Variants in MLIP observed in about 807,000 individuals in gnomAD.
The protein encoded by MLIP is muscular LMNA-interacting protein.
In MLIP, 79 loss-of-function variants were observed where a neutral mutation model predicts 84.8. The ratio of observed to expected loss-of-function variants is 0.93; its 90% CI spans 0.78 to 1.12. The LOEUF is 1.12. MLIP is among the 50% of genes most tolerant of loss of function. MLIP has a pLI of 0.00. For synonymous variants in MLIP, 504 were observed against 463.0 expected (o/e 1.09, Z -1.14); for missense variants, 1,257 against 1,160.6 (o/e 1.08, Z -1.21).
At chr6:54,223,534 T>A (rs1287195542) in intron 11 of MLIP, among the ~76,000 whole-genome samples, 2 of 152,088 alleles carry the variant, frequency 1.3e-5, no homozygotes, top group African/African-American at 2.4e-5. Context: ...CAAAGATTAG[T>A]TGTCCAACCA....
intron 12 of MLIP, among the ~76,000 whole-genome samples, chr6:54,254,374 C>T (rs534428449): frequency 7.2e-4 from 109 of 152,108 alleles, no homozygotes; most frequent in Non-Finnish European, 1.3e-3. Flanking sequence ...ATCCACCCGC[C>T]TAGGCCTCCC....
intron 1 of MLIP, chr6:54,019,197 GT>G: frequency 2.7e-6 from 3 of 1,118,654 alleles, no homozygotes; most frequent in Non-Finnish European, 3.9e-6. Context: ...CTGTTTCCAT[GT>G]TTTGCTGGTC....
At chr6:54,022,038 A>T (rs1317895177) in intron 1 of MLIP, among the ~76,000 whole-genome samples, 1 of 152,192 alleles carries the variant, frequency 6.6e-6, no homozygotes, top group Non-Finnish European at 1.5e-5. Flanking sequence ...AATATGTTTC[A>T]ATTTGGTTAG....
At chr6:54,087,240 C>G (rs948128973) in intron 1 of MLIP, among the ~76,000 whole-genome samples, 1 of 152,138 alleles carries the variant, frequency 6.6e-6, no homozygotes, top group Non-Finnish European at 1.5e-5. Context: ...AGCTGTGCCT[C>G]TTCTGTGACT....
chr6:54,093,519 A>G (rs1768003707), intron 1 of MLIP, among the ~76,000 whole-genome samples: 1 of 152,174 alleles, frequency 6.6e-6, no homozygotes, highest in East Asian at 1.9e-4. Context: ...AGAGTCTGGC[A>G]ACACAAGTGT....
chr6:54,141,537 C>T (rs1168030755), intron 4 of MLIP, among the ~76,000 whole-genome samples: 1 of 152,048 alleles, frequency 6.6e-6, no homozygotes, highest in Non-Finnish European at 1.5e-5. Context: ...GAACTTTTGA[C>T]CACAAGTGAT....
chr6:54,203,592 C>CT (rs749549556), intron 11 of MLIP: 2,042 of 146,616 alleles, frequency 0.014, 33 homozygotes, highest in African/African-American at 0.037. Flanking sequence ...TTCTTCCTTT[C>CT]TTTTTTTTTT....
intron 1 of MLIP, among the ~76,000 whole-genome samples, chr6:54,118,650 C>T (rs1417351637): frequency 6.6e-6 from 1 of 151,896 alleles, no homozygotes; most frequent in African/African-American, 2.4e-5. Context: ...GCAAAAAAAG[C>T]AAAAATTGAT....
At chr6:54,245,464 G>A (rs894014947) in intron 12 of MLIP, among the ~76,000 whole-genome samples, 8 of 152,168 alleles carry the variant, frequency 5.3e-5, no homozygotes, top group African/African-American at 1.9e-4. Flanking sequence ...ATGAGAGAGA[G>A]TCGAGTAACT....
At position 54,240,168 on chromosome 6, in the gene MLIP, T is replaced by C. The variant is rs201487708; in HGVS notation, c.2922+9251T>C. 6.6e-5 allele frequency among the ~76,000 whole-genome samples: 10 copies of C among 152,336 alleles called. No individual in the cohort carries two copies. The East Asian group carries it at 1.9e-3, about 29-fold the overall frequency. ...ACGAAATAGAATCACTATTATAGAATTGTTACCAGGATCAAGTGATATATG... is the reference window on the plus strand; with the variant it reads ...ACGAAATAGAATCACTATTATAGAACTGTTACCAGGATCAAGTGATATATG... On this transcript the variant is annotated intron_variant, in intron 12 of 13. Coordinates refer to ENST00000502396, the MANE Select transcript of MLIP (RefSeq NM_001281747.2).
intron 12 of MLIP, among the ~76,000 whole-genome samples, chr6:54,255,223 G>T (rs1191566378): frequency 6.6e-6 from 1 of 152,118 alleles, no homozygotes; most frequent in Non-Finnish European, 1.5e-5. Context: ...TGAGAGCACA[G>T]TCTCTGCATA....
intron 12 of MLIP, among the ~76,000 whole-genome samples, chr6:54,254,372 G>A (rs773042935): frequency 1.1e-4 from 16 of 151,766 alleles, no homozygotes; most frequent in African/African-American, 3.6e-4. Context: ...TGATCCACCC[G>A]CCTAGGCCTC....
At chr6:54,230,301 G>A (rs1235874206) in intron 11 of MLIP, among the ~76,000 whole-genome samples, 6 of 151,992 alleles carry the variant, frequency 3.9e-5, no homozygotes, top group African/African-American at 1.4e-4. Flanking sequence ...TTGACTTCCC[G>A]ATTTCTTCCA....
intron 11 of MLIP, chr6:54,217,386 A>G: frequency 1.0e-6 from 1 of 985,454 alleles, no homozygotes; most frequent in Non-Finnish European, 1.2e-6. Flanking sequence ...TTGAAGTTAA[A>G]CAGTATGATT....
At chr6:54,034,826 T>A (rs1764337443) in intron 1 of MLIP, among the ~76,000 whole-genome samples, 2 of 152,168 alleles carry the variant, frequency 1.3e-5, no homozygotes, top group Non-Finnish European at 2.9e-5. Flanking sequence ...TAGGCCATCA[T>A]CCTCATTCTT....
chr6:54,137,800 A>G lies in MLIP; in HGVS notation c.1731A>G (p.Arg577=). 6.5e-7 allele frequency: 1 copy of G among 1,536,100 alleles called. No individual in the cohort carries two copies. The highest frequency in any genetic ancestry group is 8.7e-7 in the Non-Finnish European group (1 of 1,146,904). ...DGDLRGPENP[R]NIHTYPSTLA... ...ACCTCAGGGGTCCAGAAAACCCCAG[A>G]AACATTCACACGTACCCTTCTACAT... Residue 577 remains arginine (R), a synonymous_variant, in exon 4 of 14, where the codon AGA becomes AGG. Coordinates refer to ENST00000502396, the MANE Select transcript of MLIP (RefSeq NM_001281747.2).
Position 54,045,225 on chromosome 6 carries a change from G to A in MLIP, c.63+26134G>A, listed in dbSNP as rs534839158. Among the ~76,000 whole-genome samples the A allele has an allele frequency of 2.2e-3, 331 of 152,034 alleles. 1 individual carries two copies. The highest frequency in any genetic ancestry group is 5.8e-3 in the African/African-American group (240 of 41,456). ...TACCCAGGCATGGTGGCGGGCACCT[G>A]TAATCCCAGCTACTCAGGAGGCTGA... is the stretch of plus-strand genomic sequence containing the variant. On this transcript the variant is annotated intron_variant, in intron 1 of 12. Coordinates refer to the MLIP transcript ENST00000274897.
intron 5 of MLIP, among the ~76,000 whole-genome samples, chr6:54,153,237 A>G (rs1488925535): frequency 6.6e-6 from 1 of 152,188 alleles, no homozygotes; most frequent in African/African-American, 2.4e-5. Flanking sequence ...AGTTATTTTA[A>G]CAACTAATAA....
intron 1 of MLIP, among the ~76,000 whole-genome samples, chr6:54,023,170 A>AAATAATAATAAT (rs3064622): frequency 4.9e-5 from 5 of 103,088 alleles, no homozygotes; most frequent in South Asian, 2.5e-4. Context: ...CCATCTCAAA[A>AAATAATAATAAT]AATAATAATA....
Sources: allele counts gnomAD v4.1 joint callset (sites outside exome capture counted in the v4.1 genomes callset), GRCh38; gene constraint gnomAD v4.1.1; transcripts MANE v1.5; gene names NCBI Gene and HGNC (gene_info 2026-07-23, HGNC 2026-07-21).